Variants in PHACTR2 observed in about 807,000 individuals in gnomAD.
PHACTR2 encodes the protein phosphatase and actin regulator 2.
A neutral mutation model predicts 76.0 loss-of-function variants in PHACTR2; 30 were observed. The ratio of observed to expected loss-of-function variants is 0.39; its 90% confidence interval spans 0.30 to 0.54. The LOEUF (loss-of-function observed/expected upper bound fraction) is 0.54, where lower values mean the gene tolerates loss of function less well. Among genes scored for constraint, PHACTR2 ranks in the 20% least tolerant of loss-of-function variants. PHACTR2 has a pLI of 0.61. For synonymous variants in PHACTR2, 292 were observed against 292.5 expected, an observed-to-expected ratio of 1.00 and a Z score of 0.02; for missense variants, 696 against 781.1, an observed-to-expected ratio of 0.89 and a Z score of 1.30.
At chr6:143,575,749 T>A (rs1408153111) in intron 1 of PHACTR2, among the ~76,000 whole-genome samples, 1 of 152,256 alleles carries the variant, frequency 6.6e-6, no homozygotes, top group Non-Finnish European at 1.5e-5. Flanking sequence ...TTATTTATCT[T>A]CCAATCATTT....
At chr6:143,540,806 T>A (rs1781165730) in intron 1 of PHACTR2, among the ~76,000 whole-genome samples, 1 of 152,236 alleles carries the variant, frequency 6.6e-6, no homozygotes, top group Non-Finnish European at 1.5e-5. Flanking sequence ...AGAATTGAAG[T>A]AACAGTGGAA....
In PHACTR2 at chr6:143,679,456, G is replaced by T. The variant is rs1193529762; in HGVS notation, c.46+1247G>T. Among the ~76,000 whole-genome samples the T allele has an allele frequency of 6.6e-6, 1 of 152,126 alleles. No homozygotes were observed. Among genetic ancestry groups the T allele is most frequent in the Non-Finnish European group, 1.5e-5 (1 of 68,018 alleles). The stretch of plus-strand genomic sequence containing the variant: ...GGGGTTGAGTAGGATTTTAAATTTA[G>T]TAAACTATTTTGTGCAAATAAGACT... On this transcript the variant is annotated intron_variant, in intron 1 of 12. Coordinates refer to ENST00000440869, the MANE Select transcript of PHACTR2 (RefSeq NM_001100164.2). The surrounding 1 kb of genome is among the most constrained non-coding windows in gnomAD (Gnocchi z 4.6).
Position 143,539,302 on chromosome 6 carries a change from T to G in PHACTR2, c.217+2095T>G, listed in dbSNP as rs1781150996. Among the ~76,000 whole-genome samples, 1 of 152,250 alleles carries G rather than the reference T, an allele frequency of 6.6e-6. No homozygotes were observed. The highest frequency in any genetic ancestry group is 1.5e-5 in the Non-Finnish European group (1 of 68,034). ...GTGCCGCAGGATGCTGGCACAGATG[T>G]AGAAGAGTGAACATCTTTCATGTAC... On this transcript the variant is annotated intron_variant, in intron 1 of 11. Coordinates refer to the PHACTR2 transcript ENST00000367584. This position sits in a 1 kb window ranked among gnomAD's most constrained non-coding sequence, Gnocchi z 4.3.
rs368373308 is a variant in PHACTR2 at position 143,543,959 on chromosome 6, G to A, written c.217+6752G>A. Reference sequence around the variant, plus strand: ...ATACCGCAAAGCGTGGTGCTTTGATGTGCTGAGTATTTCTAACTGAAGGAC... The same window carrying A: ...ATACCGCAAAGCGTGGTGCTTTGATATGCTGAGTATTTCTAACTGAAGGAC... On this transcript the variant is annotated intron_variant, in intron 1 of 11. Coordinates refer to the PHACTR2 transcript ENST00000367584. The surrounding 1 kb of genome is among the most constrained non-coding windows in gnomAD (Gnocchi z 4.7). Among the ~76,000 whole-genome samples, 8 of 152,210 alleles carry A rather than the reference G, an allele frequency of 5.3e-5. No homozygotes were observed. The highest frequency in any genetic ancestry group is 2.4e-5 in the African/African-American group (1 of 41,440).
At chr6:143,715,883 G>A (rs1349125398) in intron 2 of PHACTR2, among the ~76,000 whole-genome samples, 2 of 152,180 alleles carry the variant, frequency 1.3e-5, no homozygotes, top group African/African-American at 2.4e-5. Context: ...TCCTCACGCA[G>A]AGTCTTTAAC....
At position 143,821,945 on chromosome 6, in the gene PHACTR2, G is replaced by A. The variant is rs1352059806; in HGVS notation, c.1923-1729G>A. On this transcript the variant is annotated intron_variant, in intron 12 of 12. Transcript: ENST00000440869. The surrounding 1 kb of genome is among the most constrained non-coding windows in gnomAD (Gnocchi z 5.2). Reference sequence around the variant, plus strand: ...GTTGAAGCTGCAGTGAGCTGAGATCGCACCACTGCACTCCAGCCTGGGCAA... The same window carrying A: ...GTTGAAGCTGCAGTGAGCTGAGATCACACCACTGCACTCCAGCCTGGGCAA... 1.3e-5 allele frequency among the ~76,000 whole-genome samples: 2 copies of A among 152,140 alleles called. No individual in the cohort carries two copies. Among genetic ancestry groups the A allele is most frequent in the African/African-American group, 2.4e-5 (1 of 41,442 alleles).
chr6:143,605,829 A>C (rs548642834), upstream of PHACTR2, among the ~76,000 whole-genome samples: 9 of 152,294 alleles, frequency 5.9e-5, no homozygotes, highest in South Asian at 1.9e-3. This position sits in a 1 kb window ranked among gnomAD's most constrained non-coding sequence, Gnocchi z 5.0. Context: ...CTGCCATTTT[A>C]TTTTTATTTT....
intron 1 of PHACTR2, among the ~76,000 whole-genome samples, chr6:143,660,956 A>G (rs1259981043): frequency 6.6e-6 from 1 of 152,208 alleles, no homozygotes; most frequent in Non-Finnish European, 1.5e-5. Context: ...TAAATAGAAG[A>G]TGGGAAGAAA....
In PHACTR2 at chr6:143,599,715, C is replaced by A. The variant is rs2128435612; in HGVS notation, c.217+62508C>A. Among the ~76,000 whole-genome samples the A allele has an allele frequency of 6.6e-6, 1 of 152,288 alleles. No individual in the cohort carries two copies. The highest frequency in any genetic ancestry group is 1.9e-4 in the East Asian group (1 of 5,184). On this transcript the variant is annotated intron_variant, in intron 1 of 11. Coordinates refer to the PHACTR2 transcript ENST00000367584. This position sits in a 1 kb window ranked among gnomAD's most constrained non-coding sequence, Gnocchi z 4.6. ...GCCTATAAGAACAGCTCATTAAGAT[C>A]CAACCTATACCTTTCCCCCTTTCTA...
intron 1 of PHACTR2, among the ~76,000 whole-genome samples, chr6:143,665,369 A>G (rs1777016701): frequency 6.6e-6 from 1 of 152,226 alleles, no homozygotes; most frequent in Middle Eastern, 3.4e-3. Flanking sequence ...GTGTTTAGGT[A>G]TACATTGATT....
Position 143,801,204 on chromosome 6 carries a change from T to C in PHACTR2, c.1846-5853T>C, listed in dbSNP as rs991144044. ...TTGCTCTTCTCGGGCAATCTCTTTGTGGTGTATTCTCTGTATTTCCTGAAT... is the reference window on the plus strand; with the variant it reads ...TTGCTCTTCTCGGGCAATCTCTTTGCGGTGTATTCTCTGTATTTCCTGAAT... On this transcript the variant is annotated intron_variant, in intron 11 of 12. Transcript: ENST00000440869. This position sits in a 1 kb window ranked among gnomAD's most constrained non-coding sequence, Gnocchi z 4.6. Among the ~76,000 whole-genome samples, 15 of 152,316 alleles carry C rather than the reference T, an allele frequency of 9.8e-5. 1 individual carries two copies. The highest frequency in any genetic ancestry group is 3.4e-3 in the Middle Eastern group (1 of 294).
Position 143,794,401 on chromosome 6 carries a change from G to T in PHACTR2, c.1845+5491G>T. Among the ~76,000 whole-genome samples, 1 of 151,698 alleles carries T rather than the reference G, an allele frequency of 6.6e-6. No homozygotes were observed. On this transcript the variant is annotated intron_variant, in intron 11 of 12. Transcript: ENST00000440869. This position sits in a 1 kb window ranked among gnomAD's most constrained non-coding sequence, Gnocchi z 4.1. ...TAATTCATGTAAAAATTATAATTTA[G>T]CTATTAGGTTTAAAAATGAGTTTTA...
rs965938069 is a variant in PHACTR2 at position 143,827,968 on chromosome 6, C to A, written c.*4279C>A. The A allele has an allele frequency of 6.6e-6, 1 of 151,798 alleles. No homozygotes were observed. The highest frequency in any genetic ancestry group is 1.5e-5 in the Non-Finnish European group (1 of 67,984). The allele number at this position is 151,798 out of a possible 1,614,324, so 9.4% of individuals were successfully genotyped here. Reference sequence around the variant, plus strand: ...GACCAGCCTGGCCAACATGGTGAAACCCTGTCTCTACTGAAAATACAAAAA... The same window carrying A: ...GACCAGCCTGGCCAACATGGTGAAAACCTGTCTCTACTGAAAATACAAAAA... On this transcript the variant is annotated 3_prime_UTR_variant, in exon 13 of 13. Transcript: ENST00000440869.
intron 1 of PHACTR2, among the ~76,000 whole-genome samples, chr6:143,682,784 TTTTTTG>T (rs1447344354): frequency 2.9e-5 from 4 of 136,760 alleles, no homozygotes; most frequent in Non-Finnish European, 3.3e-5. Context: ...TTGTTTTTTG[TTTTTTG>T]TTTTTTTTTA....
In PHACTR2 at chr6:143,546,878, A is replaced by T. The variant is rs1775009402; in HGVS notation, c.217+9671A>T. ...CCATCTCAAAAAAAAAAAAAATAAA[A>T]AATAAAAAATTAGCCAGGTGAACTG... On this transcript the variant is annotated intron_variant, in intron 1 of 11. Transcript: ENST00000367584. The surrounding 1 kb of genome is among the most constrained non-coding windows in gnomAD (Gnocchi z 4.9). Among the ~76,000 whole-genome samples the T allele has an allele frequency of 7.6e-6, 1 of 131,310 alleles. No homozygotes were observed. Among genetic ancestry groups the T allele is most frequent in the Non-Finnish European group, 1.6e-5 (1 of 62,494 alleles). The allele number at this position is 131,310 out of a possible 152,430, so 86.1% of individuals were successfully genotyped here. A position where few individuals can be genotyped will look rare whatever the true frequency, so the allele number is the denominator to read the frequency against.
chr6:143,769,785 T>A (rs917795156), intron 6 of PHACTR2, among the ~76,000 whole-genome samples: 1 of 152,218 alleles, frequency 6.6e-6, no homozygotes, highest in African/African-American at 2.4e-5. Flanking sequence ...AATTGGCATG[T>A]ATTTTAAACA....
In PHACTR2 at chr6:143,595,075, T is replaced by C. The variant is rs1159966370; in HGVS notation, c.217+57868T>C. ...TTTTCTGTTAGATCTTCAAACCAGG[T>C]TTTAGAAGCAAGACAATTTTAGATT... On this transcript the variant is annotated intron_variant, in intron 1 of 11. Transcript: ENST00000367584. The surrounding 1 kb of genome is among the most constrained non-coding windows in gnomAD (Gnocchi z 4.2). Among the ~76,000 whole-genome samples, 1 of 152,138 alleles carries C rather than the reference T, an allele frequency of 6.6e-6. No individual in the cohort carries two copies. Among genetic ancestry groups the C allele is most frequent in the Non-Finnish European group, 1.5e-5 (1 of 68,030 alleles).
At position 143,558,831 on chromosome 6, in the gene PHACTR2, T is replaced by A. The variant is rs1378505654; in HGVS notation, c.217+21624T>A. Among the ~76,000 whole-genome samples the A allele has an allele frequency of 6.6e-6, 1 of 152,146 alleles. No individual in the cohort carries two copies. The highest frequency in any genetic ancestry group is 2.4e-5 in the African/African-American group (1 of 41,444). ...GATTTCAGGACCTTGCTGCAAACAG[T>A]GGACCAGTAATGGTGATTAGGTAGC... On this transcript the variant is annotated intron_variant, in intron 1 of 11. Transcript: ENST00000367584. This position sits in a 1 kb window ranked among gnomAD's most constrained non-coding sequence, Gnocchi z 4.7.
At position 143,588,844 on chromosome 6, in the gene PHACTR2, T is replaced by C. The variant is rs180925313; in HGVS notation, c.217+51637T>C. Among the ~76,000 whole-genome samples, 6 of 152,328 alleles carry C rather than the reference T, an allele frequency of 3.9e-5. No individual in the cohort carries two copies. In the East Asian group the frequency reaches 9.6e-4, roughly 24 times the overall value. ...TGATATCTATGAATTTGAAAACAGATGAAATGTATATGTTCCTAAAAAATG... is the reference window on the plus strand; with the variant it reads ...TGATATCTATGAATTTGAAAACAGACGAAATGTATATGTTCCTAAAAAATG... On this transcript the variant is annotated intron_variant, in intron 1 of 11. Coordinates refer to the PHACTR2 transcript ENST00000367584.
Sources: gnomAD v4.1 joint callset for allele counts (sites outside exome capture counted in the v4.1 genomes callset) on GRCh38, gnomAD v4.1.1 for gene constraint, Gnocchi (gnomAD v3.1) non-coding constraint, MANE v1.5 for transcripts, NCBI Gene and HGNC (gene_info 2026-07-23, HGNC 2026-07-21) for gene names.